The following CSMD1 variants were observed in gnomAD, a reference collection of about 807,000 sequenced individuals.
CSMD1 encodes the protein CUB and sushi domain-containing protein 1.
In CSMD1, 213 loss-of-function variants were observed where a neutral mutation model predicts 417.5. The observed-to-expected ratio is 0.51, with a 90% CI of 0.46 to 0.57. CSMD1 has a LOEUF of 0.57. CSMD1 is among the 20% of genes least tolerant of loss of function. The pLI, the probability that CSMD1 is intolerant of heterozygous loss-of-function variation, is 0.00. For missense variants in CSMD1, 6,923 were observed against 4,529.7 expected (o/e 1.53, Z -15.17); for synonymous variants, 2,862 against 1,736.8 (o/e 1.65, Z -16.11).
chr8:4,045,522 G>T (rs1187293956), intron 3 of CSMD1, among the ~76,000 whole-genome samples: 2 of 152,172 alleles, frequency 1.3e-5, no homozygotes, highest in East Asian at 3.9e-4. Context: ...GGACATCATG[G>T]GGCCCTGTGG....
At chr8:4,776,066 A>G (rs1310348964) in intron 1 of CSMD1, among the ~76,000 whole-genome samples, 1 of 152,122 alleles carries the variant, frequency 6.6e-6, no homozygotes, top group East Asian at 1.9e-4. Context: ...CTAGGAAATG[A>G]GTGTTTGGAT....
chr8:4,919,013 T>C (rs1168326676), intron 1 of CSMD1, among the ~76,000 whole-genome samples: 1 of 152,346 alleles, frequency 6.6e-6, no homozygotes, highest in South Asian at 2.1e-4. Flanking sequence ...TACCAAAAGA[T>C]AAGCCACTTA....
chr8:4,674,096 T>C (rs964383530), intron 1 of CSMD1, among the ~76,000 whole-genome samples: 44 of 152,316 alleles, frequency 2.9e-4, no homozygotes, highest in African/African-American at 9.9e-4. Context: ...TTATTCTCTT[T>C]ATATAAACCA....
At position 3,683,872 on chromosome 8, in the gene CSMD1, T is replaced by A. The variant is rs539911991; in HGVS notation, c.1009+24542A>T. Among the ~76,000 whole-genome samples, 4 of 152,178 alleles carry A rather than the reference T, an allele frequency of 2.6e-5. No individual in the cohort carries two copies. The South Asian group carries it at 8.3e-4, about 32-fold the overall frequency. ...TATTCATGAATGTTAAGCTCGCAGT[T>A]TGCTTATTTTTATTTGATGTTTATT... is the stretch of plus-strand genomic sequence containing the variant. On this transcript the variant is annotated intron_variant, in intron 7 of 69. Transcript: ENST00000635120.
chr8:3,233,366 A>G (rs1398146252), intron 26 of CSMD1, among the ~76,000 whole-genome samples: 1 of 152,110 alleles, frequency 6.6e-6, no homozygotes, highest in Admixed American at 6.6e-5. Flanking sequence ...ACACGTTAGG[A>G]CTCCAGAATC....
At chr8:4,466,213 G>A (rs909414912) in intron 2 of CSMD1, among the ~76,000 whole-genome samples, 3 of 152,114 alleles carry the variant, frequency 2.0e-5, no homozygotes, top group Non-Finnish European at 4.4e-5. Flanking sequence ...TTATAATAGT[G>A]AGACAGGGAT....
intron 1 of CSMD1, among the ~76,000 whole-genome samples, chr8:4,720,527 C>A (rs1259715035): frequency 1.3e-5 from 2 of 152,114 alleles, no homozygotes; most frequent in Non-Finnish European, 2.9e-5. Flanking sequence ...AAGCAAGTCT[C>A]CTGCCTCAGC....
chr8:3,792,825 C>G (rs777230748), intron 5 of CSMD1, among the ~76,000 whole-genome samples: 18 of 152,202 alleles, frequency 1.2e-4, no homozygotes, highest in Admixed American at 6.5e-5. Context: ...AACAACTACT[C>G]TCTGTATTTG....
intron 10 of CSMD1, among the ~76,000 whole-genome samples, chr8:3,515,806 C>G (rs775969605): frequency 1.3e-5 from 2 of 152,216 alleles, no homozygotes; most frequent in Non-Finnish European, 2.9e-5. Flanking sequence ...AGTCATGACA[C>G]TGGGCAATGG....
intron 3 of CSMD1, among the ~76,000 whole-genome samples, chr8:4,319,467 T>A (rs4875331): frequency 2.6e-5 from 4 of 151,904 alleles, no homozygotes; most frequent in Non-Finnish European, 2.9e-5. Flanking sequence ...CTACTCCTTC[T>A]TAAGGCTTTG....
chr8:3,352,824 G>T (rs112770229), intron 21 of CSMD1, among the ~76,000 whole-genome samples: 1 of 152,052 alleles, frequency 6.6e-6, no homozygotes, highest in Non-Finnish European at 1.5e-5. Flanking sequence ...TGGGCAACAA[G>T]AAAGAAACTC....
Position 4,378,716 on chromosome 8 carries a change from G to A in CSMD1, c.415+41237C>T, listed in dbSNP as rs112698487. The stretch of plus-strand genomic sequence containing the variant: ...TTGAAACCTAATATTCAGTGTGGTG[G>A]TCTTAGAAGGTGAGGCCTTTGGGAG... On this transcript the variant is annotated intron_variant, in intron 3 of 69. Transcript: ENST00000635120. Among the ~76,000 whole-genome samples, 1,328 of 152,300 alleles carry A rather than the reference G, an allele frequency of 8.7e-3. 12 individuals are homozygous for A. The highest frequency in any genetic ancestry group is 0.031 in the African/African-American group (1,279 of 41,542).
At chr8:3,208,221 G>GTCA (rs1198229544) in intron 30 of CSMD1, among the ~76,000 whole-genome samples, 6 of 151,134 alleles carry the variant, frequency 4.0e-5, no homozygotes, top group African/African-American at 1.5e-4. Context: ...AAGTGGAAAC[G>GTCA]TCATCACTGG....
At chr8:4,298,028 T>C (rs1175423765) in intron 3 of CSMD1, among the ~76,000 whole-genome samples, 2 of 152,278 alleles carry the variant, frequency 1.3e-5, no homozygotes, top group African/African-American at 4.8e-5. Context: ...AATAAATTGA[T>C]TTTATATTGA....
intron 3 of CSMD1, among the ~76,000 whole-genome samples, chr8:4,292,758 C>T (rs1328332427): frequency 6.6e-6 from 1 of 152,134 alleles, no homozygotes; most frequent in Non-Finnish European, 1.5e-5. Context: ...ATTGTTCAAA[C>T]TGAATATTAA....
At chr8:4,518,137 G>C (rs1392431792) in intron 2 of CSMD1, among the ~76,000 whole-genome samples, 1 of 152,082 alleles carries the variant, frequency 6.6e-6, no homozygotes, top group Non-Finnish European at 1.5e-5. Flanking sequence ...GTTTTTACTG[G>C]AAATATAACT....
Position 3,216,187 on chromosome 8 carries a change from T to C in CSMD1, c.4673-1496A>G, listed in dbSNP as rs148092094. 4.3e-3 allele frequency among the ~76,000 whole-genome samples: 654 copies of C among 152,060 alleles called. 8 individuals carry two copies. Among genetic ancestry groups the C allele is most frequent in the African/African-American group, 0.015 (610 of 41,534 alleles). On this transcript the variant is annotated intron_variant, in intron 29 of 69. Coordinates refer to ENST00000635120, the MANE Select transcript of CSMD1 (RefSeq NM_033225.6). ...CTTTGTTGAAAAGCTGTTTGGATGT[T>C]TAAAATGGTAGCTGACATGTTGATA...
chr8:3,732,429 A>G (rs1025587102), intron 6 of CSMD1, among the ~76,000 whole-genome samples: 1 of 152,176 alleles, frequency 6.6e-6, no homozygotes, highest in African/African-American at 2.4e-5. Flanking sequence ...GAACCAAGTC[A>G]TACTGGAAGG....
At chr8:4,273,339 C>A (rs1460117314) in intron 3 of CSMD1, among the ~76,000 whole-genome samples, 2 of 152,080 alleles carry the variant, frequency 1.3e-5, no homozygotes, top group African/African-American at 4.8e-5. Flanking sequence ...AAGTGCTATT[C>A]CATTCATATT....
Sources: allele counts gnomAD v4.1 joint callset (sites outside exome capture counted in the v4.1 genomes callset), GRCh38; gene constraint gnomAD v4.1.1; transcripts MANE v1.5; gene names NCBI Gene and HGNC (gene_info 2026-07-23, HGNC 2026-07-21).